The following PTPRT variants were observed in gnomAD, a reference collection of about 807,000 sequenced individuals.
PTPRT encodes receptor-type tyrosine-protein phosphatase T.
A neutral mutation model predicts 176.8 loss-of-function variants in PTPRT; 56 were observed. The observed-to-expected ratio is 0.32, with a 90% CI of 0.26 to 0.40. The LOEUF is 0.40. Among genes scored for constraint, PTPRT ranks in the 10% least tolerant of loss-of-function variants. PTPRT has a pLI of 1.00. For missense variants in PTPRT, 1,540 were observed against 1,908.2 expected (o/e 0.81, Z 3.60); for synonymous variants, 783 against 739.0 (o/e 1.06, Z -0.96).
At chr20:42,187,691 T>C (rs1343936538) in intron 16 of PTPRT, among the ~76,000 whole-genome samples, 1 of 152,222 alleles carries the variant, frequency 6.6e-6, no homozygotes, top group Non-Finnish European at 1.5e-5. Context: ...GCTGAGTAGA[T>C]ATTGATGGGG....
At chr20:42,328,783 C>A (rs886863081) in intron 11 of PTPRT, among the ~76,000 whole-genome samples, 7 of 152,090 alleles carry the variant, frequency 4.6e-5, no homozygotes, top group Non-Finnish European at 7.3e-5. Context: ...GGCAACGTTG[C>A]CCGGAAAGCT....
intron 9 of PTPRT, among the ~76,000 whole-genome samples, chr20:42,399,394 A>G (rs1296867199): frequency 1.3e-5 from 2 of 152,240 alleles, no homozygotes; most frequent in Non-Finnish European, 2.9e-5. Context: ...CTTGGGCAGC[A>G]ATATGAGAAG....
chr20:42,678,253 T>A, intron 6 of PTPRT, 94 bp from the exon 7 acceptor site: 2 of 1,219,248 alleles, frequency 1.6e-6, no homozygotes, highest in Non-Finnish European at 2.2e-6. Flanking sequence ...ATTCTTGATG[T>A]AGCCACAAAA....
At chr20:42,040,852 T>C in the PTPRT span, among the ~76,000 whole-genome samples, 1 of 152,194 alleles carries the variant, frequency 6.6e-6, no homozygotes, top group Non-Finnish European at 1.5e-5. Context: ...GGGGGTGTTA[T>C]CTTGGCTGTG....
intron 2 of PTPRT, among the ~76,000 whole-genome samples, chr20:42,821,275 G>C (rs1242218854): frequency 6.6e-6 from 1 of 152,132 alleles, no homozygotes; most frequent in Admixed American, 6.6e-5. Context: ...ATCAATAAAT[G>C]TAATCCATCA....
At chr20:42,870,748 T>C (rs1165441267) in intron 2 of PTPRT, among the ~76,000 whole-genome samples, 3 of 152,212 alleles carry the variant, frequency 2.0e-5, no homozygotes, top group African/African-American at 7.2e-5. Flanking sequence ...GTTCTATTTT[T>C]TATTTTTGGT....
intron 1 of PTPRT, chr20:42,969,630 C>A (rs1982501059): frequency 1.3e-5 from 2 of 152,168 alleles, no homozygotes; most frequent in African/African-American, 4.8e-5. Flanking sequence ...ATTCTGAATC[C>A]TCAAAAGCTT....
At chr20:42,154,289 G>A (rs929421021) in intron 17 of PTPRT, among the ~76,000 whole-genome samples, 1 of 152,160 alleles carries the variant, frequency 6.6e-6, no homozygotes, top group Non-Finnish European at 1.5e-5. Context: ...AAGCAGAGGT[G>A]TCCTCAGACA....
intron 27 of PTPRT, 100 bp from the exon 28 acceptor site, chr20:42,085,953 T>A: frequency 4.0e-6 from 2 of 498,068 alleles, no homozygotes; most frequent in Non-Finnish European, 5.6e-6. Context: ...TTTCTTTTTC[T>A]TTTTTTTTTT....
intron 11 of PTPRT, among the ~76,000 whole-genome samples, chr20:42,339,599 G>T (rs921055550): frequency 6.6e-6 from 1 of 152,168 alleles, no homozygotes; most frequent in Non-Finnish European, 1.5e-5. Context: ...GCCACCCATA[G>T]GCCACACCAG....
intron 6 of PTPRT, among the ~76,000 whole-genome samples, chr20:42,736,570 C>T (rs887775382): frequency 6.6e-6 from 1 of 152,190 alleles, no homozygotes; most frequent in Non-Finnish European, 1.5e-5. Flanking sequence ...GTTTGCTATA[C>T]ATGTGTAGTT....
chr20:43,046,272 G>C (rs991116027), intron 1 of PTPRT, among the ~76,000 whole-genome samples: 1 of 151,982 alleles, frequency 6.6e-6, no homozygotes, highest in Non-Finnish European at 1.5e-5. Context: ...CCCATCCAAG[G>C]CCTAAAAAGG....
At chr20:42,703,629 G>A (rs6093720) in intron 6 of PTPRT, among the ~76,000 whole-genome samples, 51 of 152,240 alleles carry the variant, frequency 3.3e-4, no homozygotes, top group African/African-American at 1.0e-3. Context: ...CTTGGAAGAC[G>A]AAGCTTAGAG....
chr20:42,296,014 T>C (rs2057381422), intron 12 of PTPRT, among the ~76,000 whole-genome samples: 1 of 152,352 alleles, frequency 6.6e-6, no homozygotes. Context: ...ATCTTTTCTT[T>C]ATAAATTACC....
rs567012681 is a variant in PTPRT, at chr20:43,158,410, C to G, written c.88+31236G>C. Among the ~76,000 whole-genome samples, 7 of 152,282 alleles carry G rather than the reference C, an allele frequency of 4.6e-5. No individual in the cohort carries two copies. In the South Asian group the frequency reaches 1.5e-3, roughly 32 times the overall value. ...CAGTTAAATATTGGAGGCAAGAGCT[C>G]TGGAGAGGGTTCTGTACTGGAGATA... On this transcript the variant is annotated intron_variant, in intron 1 of 30. Transcript: ENST00000373187.
chr20:42,601,102 T>A (rs1479504307), intron 7 of PTPRT, among the ~76,000 whole-genome samples: 1 of 152,176 alleles, frequency 6.6e-6, no homozygotes, highest in African/African-American at 2.4e-5. Context: ...CATCCCCACA[T>A]CTACCATGTT....
chr20:42,361,103 G>C (rs2058425696), intron 9 of PTPRT, among the ~76,000 whole-genome samples: 1 of 152,188 alleles, frequency 6.6e-6, no homozygotes, highest in Admixed American at 6.5e-5. Context: ...TTTCTAGGGA[G>C]AGGGGCTGAT....
At chr20:42,291,388 T>G (rs1483159909) in intron 12 of PTPRT, among the ~76,000 whole-genome samples, 1 of 152,108 alleles carries the variant, frequency 6.6e-6, no homozygotes, top group African/African-American at 2.4e-5. Context: ...AGTATCTAAT[T>G]AAAAGTTGCA....
chr20:43,098,559 T>G (rs1478884228), intron 1 of PTPRT, among the ~76,000 whole-genome samples: 3 of 151,896 alleles, frequency 2.0e-5, no homozygotes, highest in Non-Finnish European at 4.4e-5. Flanking sequence ...TTTTTTTTTT[T>G]TTGTTTGAGG....
Sources: gnomAD v4.1 joint callset for allele counts (sites outside exome capture counted in the v4.1 genomes callset) on GRCh38, gnomAD v4.1.1 for gene constraint, MANE v1.5 for transcripts, NCBI Gene and HGNC (gene_info 2026-07-23, HGNC 2026-07-21) for gene names.